Variants in BARD1 observed in about 807,000 individuals in gnomAD.
BARD1 encodes the protein BRCA1-associated RING domain protein 1.
In BARD1, 73 loss-of-function variants were observed where a neutral mutation model predicts 77.0. The ratio of observed to expected loss-of-function variants is 0.95; its 90% CI spans 0.79 to 1.15. The LOEUF is 1.15. Among genes scored for constraint, BARD1 ranks in the 50% most tolerant of loss-of-function variants. The pLI, the probability that BARD1 is intolerant of heterozygous loss-of-function variation, is 0.00. For missense variants in BARD1, 993 were observed against 938.8 expected, an observed-to-expected ratio of 1.06 and a Z score of -0.75; for synonymous variants, 384 against 338.0, an observed-to-expected ratio of 1.14 and a Z score of -1.49.
At chr2:214,745,404 T>C (rs1693055561) in intron 8 of BARD1, among the ~76,000 whole-genome samples, 1 of 152,200 alleles carries the variant, frequency 6.6e-6, no homozygotes. Flanking sequence ...AATTTTTATT[T>C]TCAAATTACA....
At chr2:214,793,821 C>T (rs980643168) in intron 2 of BARD1, among the ~76,000 whole-genome samples, 9 of 151,840 alleles carry the variant, frequency 5.9e-5, no homozygotes, top group Non-Finnish European at 1.2e-4. Flanking sequence ...TCAAATGACC[C>T]GTGTGTGATG....
chr2:214,782,476 C>CAT (rs774771836), intron 3 of BARD1, among the ~76,000 whole-genome samples: 45 of 150,316 alleles, frequency 3.0e-4, no homozygotes, highest in Middle Eastern at 6.8e-3. Flanking sequence ...ATTTTTTCTA[C>CAT]ATATATATAT....
Position 214,780,898 on chromosome 2 carries a change from T to G in BARD1, c.976A>C (p.Asn326His), listed in dbSNP as rs587780038. 2 of 1,614,166 alleles carry G rather than the reference T, an allele frequency of 1.2e-6. No individual in the cohort carries two copies. Among genetic ancestry groups the G allele is most frequent in the South Asian group, 1.1e-5 (1 of 91,084 alleles). The part of the protein sequence containing the change: ...LENNGKRGHH[N>H]RLSSPISKRC... ...TTAGAAATGGGACTGGAAAGTCTAT[T>G]GTGATGGCCACGTTTTCCATTATTT... is the stretch of plus-strand genomic sequence containing the variant. The change falls in exon 4 of 11, where the codon AAT (asparagine) becomes CAT (histidine). Residue 326 changes from asparagine (N) to histidine (H), a missense_variant. Asn to His is a moderately conservative substitution (Grantham distance 68, BLOSUM62 1). Transcript: ENST00000260947.
At chr2:214,805,365 T>C (rs1292612773) in intron 1 of BARD1, among the ~76,000 whole-genome samples, 1 of 152,192 alleles carries the variant, frequency 6.6e-6, no homozygotes, top group African/African-American at 2.4e-5. Context: ...CCTTACACAG[T>C]GTCTCAGTGA....
At chr2:214,798,565 C>A (rs1695865374) in intron 1 of BARD1, among the ~76,000 whole-genome samples, 1 of 151,956 alleles carries the variant, frequency 6.6e-6, no homozygotes, top group Non-Finnish European at 1.5e-5. Flanking sequence ...TTGCTCTCTA[C>A]CTTGAAAGAA....
At position 214,809,630 on chromosome 2, in the gene BARD1, C is replaced by A; in HGVS notation, c.-61G>T. 6.6e-7 allele frequency: 1 copy of A among 1,515,476 alleles called. No homozygotes were observed. 93.9% of individuals were successfully genotyped at this position (1,515,476 alleles called of 1,614,324 possible). ...GGGAAGCAAGGAAGCCTCGGGAAAC[C>A]ACAGGGAAGCTGCAGGCCAGCGACT... On this transcript the variant is annotated 5_prime_UTR_variant, in exon 1 of 11. Transcript: ENST00000260947.
intron 6 of BARD1, among the ~76,000 whole-genome samples, chr2:214,764,182 A>G (rs723904): frequency 0.3 from 45,344 of 152,102 alleles, 7,247 homozygotes; most frequent in South Asian, 0.4. Context: ...TTTTATCAAA[A>G]AAGAGGAAAA....
chr2:214,802,744 A>T (rs1696080689), intron 1 of BARD1, among the ~76,000 whole-genome samples: 1 of 152,316 alleles, frequency 6.6e-6, no homozygotes, highest in Non-Finnish European at 1.5e-5. Context: ...ATATACATAT[A>T]TATTAGATAG....
chr2:214,771,543 C>A (rs1694488773), intron 4 of BARD1, among the ~76,000 whole-genome samples: 1 of 151,918 alleles, frequency 6.6e-6, no homozygotes, highest in Non-Finnish European at 1.5e-5. Context: ...GCCTAGCCAA[C>A]ATGGTGAAAT....
chr2:214,731,061 C>T (rs1440534596), intron 9 of BARD1: 1 of 307,052 alleles, frequency 3.3e-6, no homozygotes, highest in Non-Finnish European at 6.7e-6. Flanking sequence ...ACAAGCAGAG[C>T]TTGGGATAGG....
intron 1 of BARD1, among the ~76,000 whole-genome samples, chr2:214,804,181 GTTTATC>G (rs1197621367): frequency 6.6e-6 from 1 of 152,122 alleles, no homozygotes; most frequent in Admixed American, 6.6e-5. Flanking sequence ...TTTTTCTTGT[GTTTATC>G]TTTAGAAGAA....
rs769610778 is a variant in BARD1, at chr2:214,727,893, T to G, written c.*783A>C. On this transcript the variant is annotated 3_prime_UTR_variant, in exon 11 of 11. Coordinates refer to ENST00000260947, the MANE Select transcript of BARD1 (RefSeq NM_000465.4). ...AATTTGCTAGACTGGTCAGACCTTT[T>G]AAAAAATACTAACATTAAAATGTGT... 1.9e-4 allele frequency: 41 copies of G among 217,224 alleles called. No homozygotes were observed. The highest frequency in any genetic ancestry group is 3.3e-4 in the Non-Finnish European group (36 of 108,138). 13.5% of individuals were successfully genotyped at this position (217,224 alleles called of 1,614,324 possible).
chr2:214,751,365 G>C (rs1693443895), intron 7 of BARD1, among the ~76,000 whole-genome samples: 1 of 150,532 alleles, frequency 6.6e-6, no homozygotes, highest in Non-Finnish European at 1.5e-5. Context: ...GTTTCACCAT[G>C]TTGACCAAGC....
At chr2:214,729,829 T>C (rs1418523499) in intron 10 of BARD1, among the ~76,000 whole-genome samples, 2 of 152,096 alleles carry the variant, frequency 1.3e-5, no homozygotes, top group Admixed American at 6.5e-5. Flanking sequence ...TCCTTACATA[T>C]TACCAACCTA....
chr2:214,756,532 T>C (rs1693701664), intron 6 of BARD1, among the ~76,000 whole-genome samples: 1 of 152,232 alleles, frequency 6.6e-6, no homozygotes, highest in Non-Finnish European at 1.5e-5. Context: ...TGCACATGCA[T>C]GTTTATAGCA....
In BARD1 at chr2:214,809,581, C is replaced by A. The variant is rs891171561; in HGVS notation, c.-12G>T. The A allele has an allele frequency of 2.6e-6, 4 of 1,539,820 alleles. No individual in the cohort carries two copies. Among genetic ancestry groups the A allele is most frequent in the Non-Finnish European group, 3.5e-6 (4 of 1,146,086 alleles). ...CGATTATCCGGCATCGTCCCGCCTT[C>A]GGATGAAAGGCTCCTCGCAGAGCGG... On this transcript the variant is annotated 5_prime_UTR_variant, in exon 1 of 11. Transcript: ENST00000260947.
At chr2:214,751,115 GTGTATATATATATATA>G (rs1260034183) in intron 7 of BARD1, among the ~76,000 whole-genome samples, 47 of 11,700 alleles carry the variant, frequency 4.0e-3, no homozygotes, top group African/African-American at 8.3e-3. Context: ...GTGTGTGTGT[GTGTATATATATATATA>G]TATATATATA....
chr2:214,746,709 C>T (rs570505436), intron 7 of BARD1, among the ~76,000 whole-genome samples: 8 of 152,178 alleles, frequency 5.3e-5, no homozygotes, highest in South Asian at 4.2e-4. Flanking sequence ...CTAACCTAAA[C>T]GCTATAAACC....
At chr2:214,766,132 G>A (rs1694184122) in intron 6 of BARD1, among the ~76,000 whole-genome samples, 1 of 152,258 alleles carries the variant, frequency 6.6e-6, no homozygotes, top group Admixed American at 6.5e-5. Context: ...CATGAACCAA[G>A]TTACAGATTA....
Sources: allele counts gnomAD v4.1 joint callset (sites outside exome capture counted in the v4.1 genomes callset), GRCh38; gene constraint gnomAD v4.1.1; transcripts MANE v1.5; gene names NCBI Gene and HGNC (gene_info 2026-07-23, HGNC 2026-07-21).